SPIDR: variants seen among roughly 807,000 people sequenced by gnomAD.
SPIDR encodes scaffold protein involved in DNA repair.
In SPIDR, 93 loss-of-function variants were observed where a neutral mutation model predicts 104.6. The observed-to-expected ratio is 0.89, with a 90% CI of 0.75 to 1.06. SPIDR has a LOEUF of 1.06. SPIDR is among the 50% of genes least tolerant of loss of function. The pLI is 0.00. For synonymous variants in SPIDR, 431 were observed against 416.9 expected, an observed-to-expected ratio of 1.03 and a Z score of -0.41; for missense variants, 1,154 against 1,111.2, an observed-to-expected ratio of 1.04 and a Z score of -0.55.
intron 8 of SPIDR, among the ~76,000 whole-genome samples, chr8:47,540,847 G>GA (rs1227520930): frequency 6.6e-6 from 1 of 152,034 alleles, no homozygotes; most frequent in African/African-American, 2.4e-5. Context: ...TTACTTTATT[G>GA]AAAAAACAGT....
chr8:47,498,183 C>G (rs2079757386), intron 8 of SPIDR, among the ~76,000 whole-genome samples: 2 of 152,194 alleles, frequency 1.3e-5, no homozygotes, highest in South Asian at 4.1e-4. Flanking sequence ...CTCTCTCTCT[C>G]TGTCTCTCTT....
At chr8:47,616,359 T>C (rs2064312077) in intron 10 of SPIDR, among the ~76,000 whole-genome samples, 1 of 152,182 alleles carries the variant, frequency 6.6e-6, no homozygotes, top group African/African-American at 2.4e-5. Flanking sequence ...TGTTGAGTCT[T>C]TTTTGTCCTG....
intron 8 of SPIDR, among the ~76,000 whole-genome samples, chr8:47,488,166 G>A (rs1261150819): frequency 6.6e-6 from 1 of 151,882 alleles, no homozygotes; most frequent in Non-Finnish European, 1.5e-5. Context: ...ATGATAAAGG[G>A]GATATCACCA....
At chr8:47,582,796 A>G (rs1011524298) in intron 8 of SPIDR, among the ~76,000 whole-genome samples, 1 of 151,420 alleles carries the variant, frequency 6.6e-6, no homozygotes, top group African/African-American at 2.4e-5. Context: ...TGGGCAACAT[A>G]GCAAGACTCC....
intron 16 of SPIDR, among the ~76,000 whole-genome samples, chr8:47,721,850 T>C (rs929469877): frequency 2.6e-5 from 4 of 152,192 alleles, no homozygotes; most frequent in African/African-American, 9.7e-5. Flanking sequence ...CAATATTGTC[T>C]TGGCTATTCT....
At chr8:47,404,669 T>G (rs2062460832) in intron 6 of SPIDR, among the ~76,000 whole-genome samples, 1 of 152,132 alleles carries the variant, frequency 6.6e-6, no homozygotes, top group South Asian at 2.1e-4. Context: ...TCACACCAGT[T>G]AGAATGGCGA....
chr8:47,659,766 G>GT (rs1299060202), intron 10 of SPIDR: 25 of 974,382 alleles, frequency 2.6e-5, no homozygotes, highest in East Asian at 1.1e-4. Flanking sequence ...TGATTTCTTG[G>GT]TTTTTTTCCT....
chr8:47,616,493 G>T (rs1182691138), intron 10 of SPIDR, among the ~76,000 whole-genome samples: 1 of 152,202 alleles, frequency 6.6e-6, no homozygotes, highest in African/African-American at 2.4e-5. Context: ...AGTAGAGAAG[G>T]TGTTTATAAC....
At position 47,518,638 on chromosome 8, in the gene SPIDR, C is replaced by CT. The variant is rs899737372; in HGVS notation, c.1098-77157dup. ...GTTATATCACTGAAGTCTTCTGCTA[C>CT]TTTTTTTTTTTTTTTTGAGACGGAG... On this transcript the variant is annotated intron_variant, in intron 8 of 19. Transcript: ENST00000297423. 8.8e-3 allele frequency among the ~76,000 whole-genome samples: 1,243 copies of CT among 141,290 alleles called. 9 individuals carry two copies. Among genetic ancestry groups the CT allele is most frequent in the South Asian group, 0.024 (106 of 4,402 alleles). The allele number at this position is 141,290 out of a possible 152,430, so 92.7% of individuals were successfully genotyped here.
chr8:47,650,926 A>T lies in SPIDR; in HGVS notation c.1545-22875A>T, dbSNP rs538894125. Among the ~76,000 whole-genome samples the T allele has an allele frequency of 4.6e-5, 7 of 152,286 alleles. No homozygotes were observed. The South Asian group carries it at 1.2e-3, about 27-fold the overall frequency. ...TGGAGAGGAATGAAACTGGATCCTC[A>T]TCTCTCACCTTATACAAAATAAACT... On this transcript the variant is annotated intron_variant, in intron 10 of 19. Transcript: ENST00000297423.
intron 5 of SPIDR, among the ~76,000 whole-genome samples, chr8:47,302,264 C>T (rs1201065913): frequency 2.6e-5 from 4 of 152,072 alleles, no homozygotes; most frequent in African/African-American, 7.2e-5. Context: ...GCATTCGTCA[C>T]GTAGTTCTCG....
intron 8 of SPIDR, among the ~76,000 whole-genome samples, chr8:47,512,634 G>T (rs757166833): frequency 3.9e-5 from 6 of 152,162 alleles, no homozygotes; most frequent in Non-Finnish European, 8.8e-5. Context: ...TGGCGCTGAC[G>T]TCACGGCTGC....
chr8:47,590,502 T>C (rs1427643969), intron 8 of SPIDR, among the ~76,000 whole-genome samples: 2 of 152,228 alleles, frequency 1.3e-5, no homozygotes, highest in Non-Finnish European at 2.9e-5. Flanking sequence ...TGTTATTGAT[T>C]TTTAGTTTGA....
intron 5 of SPIDR, among the ~76,000 whole-genome samples, chr8:47,368,452 AAG>A (rs61337248): frequency 0.49 from 73,370 of 150,532 alleles, 21,882 homozygotes; most frequent in Non-Finnish European, 0.66. Context: ...AAACTAAGAT[AAG>A]ATTTCAGTAA....
At chr8:47,510,234 G>T (rs1476435341) in intron 8 of SPIDR, among the ~76,000 whole-genome samples, 2 of 152,048 alleles carry the variant, frequency 1.3e-5, no homozygotes, top group African/African-American at 4.8e-5. Flanking sequence ...AAAATATCTT[G>T]GCAAAATGTC....
chr8:47,639,409 C>T (rs1399615025), intron 10 of SPIDR, among the ~76,000 whole-genome samples: 1 of 152,236 alleles, frequency 6.6e-6, no homozygotes, highest in Non-Finnish European at 1.5e-5. Flanking sequence ...CCTTATTTCA[C>T]TTGTCTCTCA....
chr8:47,485,442 AC>A (rs1318892779), intron 8 of SPIDR, among the ~76,000 whole-genome samples: 1 of 152,236 alleles, frequency 6.6e-6, no homozygotes, highest in African/African-American at 2.4e-5. Context: ...GCATAGCCAA[AC>A]AAAAGGCAGC....
intron 10 of SPIDR, among the ~76,000 whole-genome samples, chr8:47,627,546 A>G (rs983409913): frequency 5.3e-5 from 8 of 152,150 alleles, no homozygotes; most frequent in Admixed American, 5.2e-4. Flanking sequence ...AAGTACCCTA[A>G]GTGTGTGTAT....
chr8:47,340,238 G>A (rs1243627160), intron 5 of SPIDR, among the ~76,000 whole-genome samples: 5 of 152,104 alleles, frequency 3.3e-5, no homozygotes, highest in African/African-American at 1.2e-4. Context: ...ATGGCTACGA[G>A]TTCCCAAGGG....
Sources: gnomAD v4.1 joint callset for allele counts (sites outside exome capture counted in the v4.1 genomes callset) on GRCh38, gnomAD v4.1.1 for gene constraint, MANE v1.5 for transcripts, NCBI Gene and HGNC (gene_info 2026-07-23, HGNC 2026-07-21) for gene names.